Variants in RYR3 observed in about 807,000 individuals in gnomAD.
RYR3 encodes brain ryanodine receptor-calcium release channel.
Under a neutral mutation model 584.3 loss-of-function variants are expected in RYR3, and 207 were observed. The ratio of observed to expected loss-of-function variants is 0.35; its 90% CI spans 0.32 to 0.40. RYR3 has a LOEUF of 0.40. RYR3 is among the 10% of genes least tolerant of loss of function. The pLI, the probability that RYR3 is intolerant of heterozygous loss-of-function variation, is 1.00. For missense variants in RYR3, 5,616 were observed against 6,089.2 expected, an observed-to-expected ratio of 0.92 and a Z score of 2.59; for synonymous variants, 2,416 against 2,248.5, an observed-to-expected ratio of 1.07 and a Z score of -2.11.
intron 18 of RYR3, among the ~76,000 whole-genome samples, chr15:33,608,070 G>A (rs2059995392): frequency 6.6e-6 from 1 of 152,204 alleles, no homozygotes; most frequent in South Asian, 2.1e-4. Context: ...TGCCTCTTAA[G>A]TGGTACACAG....
chr15:33,714,721 A>C (rs8026816), intron 43 of RYR3, among the ~76,000 whole-genome samples: 26,211 of 152,190 alleles, frequency 0.17, 2,477 homozygotes, highest in Admixed American at 0.27. Flanking sequence ...GCTTTGCTGA[A>C]TCTGCTTTCC....
intron 67 of RYR3, among the ~76,000 whole-genome samples, chr15:33,790,968 G>A (rs1355250179): frequency 6.6e-6 from 1 of 152,142 alleles, no homozygotes. Flanking sequence ...AACTGAGACT[G>A]GGCATTATAT....
chr15:33,540,113 G>C (rs967889115), intron 6 of RYR3, among the ~76,000 whole-genome samples: 1 of 152,144 alleles, frequency 6.6e-6, no homozygotes, highest in Non-Finnish European at 1.5e-5. Flanking sequence ...GCTGCATCCA[G>C]CAAACTGTTA....
intron 5 of RYR3, among the ~76,000 whole-genome samples, chr15:33,537,297 A>G (rs1423390373): frequency 2.0e-5 from 3 of 152,138 alleles, no homozygotes; most frequent in Non-Finnish European, 4.4e-5. Context: ...CATCTAGGGA[A>G]TTTCTGTTGC....
intron 2 of RYR3, among the ~76,000 whole-genome samples, chr15:33,503,025 G>A (rs756466668): frequency 6.6e-6 from 1 of 152,144 alleles, no homozygotes; most frequent in Admixed American, 6.5e-5. Flanking sequence ...TGAATGTCAC[G>A]ATGTTAACTG....
chr15:33,387,327 A>G (rs72725470), intron 1 of RYR3, among the ~76,000 whole-genome samples: 16,296 of 152,200 alleles, frequency 0.11, 973 homozygotes, highest in Middle Eastern at 0.23. Context: ...CTCTGCTTTC[A>G]ATTCTTTTGG....
At chr15:33,472,451 G>A (rs1375629725) in intron 1 of RYR3, among the ~76,000 whole-genome samples, 1 of 152,194 alleles carries the variant, frequency 6.6e-6, no homozygotes, top group African/African-American at 2.4e-5. Flanking sequence ...GTGAGATGGG[G>A]CAATGGATGG....
At chr15:33,380,771 C>T (rs9972518) in intron 1 of RYR3, among the ~76,000 whole-genome samples, 3,615 of 152,270 alleles carry the variant, frequency 0.024, 121 homozygotes, top group African/African-American at 0.082. Flanking sequence ...AGCACACGTA[C>T]GTACACTTCA....
intron 1 of RYR3, among the ~76,000 whole-genome samples, chr15:33,401,841 C>G (rs1011035718): frequency 6.6e-6 from 1 of 152,214 alleles, no homozygotes; most frequent in Non-Finnish European, 1.5e-5. Flanking sequence ...TAAAGAATGT[C>G]TACCAAAATG....
At chr15:33,787,467 T>C (rs1312144399) in intron 66 of RYR3, among the ~76,000 whole-genome samples, 1 of 151,968 alleles carries the variant, frequency 6.6e-6, no homozygotes, top group Non-Finnish European at 1.5e-5. Context: ...AGATTGTCAG[T>C]GGTTCACAAC....
intron 1 of RYR3, among the ~76,000 whole-genome samples, chr15:33,442,939 G>A (rs1056270299): frequency 2.6e-5 from 4 of 152,178 alleles, no homozygotes; most frequent in African/African-American, 9.7e-5. Flanking sequence ...CACATTAGAA[G>A]GTAGGAGAAA....
intron 10 of RYR3, among the ~76,000 whole-genome samples, chr15:33,553,039 T>C (rs2056802126): frequency 6.6e-6 from 1 of 152,038 alleles, no homozygotes; most frequent in Non-Finnish European, 1.5e-5. Context: ...AGGTGGCAAA[T>C]GGTAGCCTGA....
chr15:33,519,028 A>G (rs1001555961), intron 3 of RYR3, among the ~76,000 whole-genome samples: 3 of 152,182 alleles, frequency 2.0e-5, no homozygotes, highest in Non-Finnish European at 1.5e-5. Context: ...AAGGGAAGCA[A>G]TAGTGCAAGT....
intron 1 of RYR3, among the ~76,000 whole-genome samples, chr15:33,365,697 T>TA (rs2141042717): frequency 6.6e-6 from 1 of 152,348 alleles, no homozygotes; most frequent in South Asian, 2.1e-4. Flanking sequence ...TAAATATTCT[T>TA]ACTATGCAAA....
At chr15:33,753,719 G>A (rs564925351) in intron 57 of RYR3, among the ~76,000 whole-genome samples, 9 of 152,176 alleles carry the variant, frequency 5.9e-5, no homozygotes, top group African/African-American at 1.7e-4. Flanking sequence ...CTTATTTGCC[G>A]TGTTGTCGAA....
chr15:33,546,833 T>C (rs181986058), intron 8 of RYR3, among the ~76,000 whole-genome samples: 250 of 152,350 alleles, frequency 1.6e-3, no homozygotes, highest in Non-Finnish European at 2.3e-3. Context: ...ACATTTTCTT[T>C]TCACCACTAT....
intron 13 of RYR3, among the ~76,000 whole-genome samples, 190 bp downstream of exon 13, chr15:33,580,334 C>A (rs2058526011): frequency 6.6e-6 from 1 of 152,204 alleles, no homozygotes; most frequent in African/African-American, 2.4e-5. Flanking sequence ...TTAGCAATGG[C>A]TGGCACGTTC....
intron 1 of RYR3, among the ~76,000 whole-genome samples, chr15:33,437,694 A>G (rs1405391237): frequency 6.6e-6 from 1 of 152,152 alleles, no homozygotes; most frequent in Non-Finnish European, 1.5e-5. Flanking sequence ...ACTGGTCTGT[A>G]TACTTACCTC....
chr15:33,343,120 C>T (rs1972030841), intron 1 of RYR3, among the ~76,000 whole-genome samples: 1 of 152,134 alleles, frequency 6.6e-6, no homozygotes, highest in Admixed American at 6.5e-5. Flanking sequence ...AAAGGAAAAG[C>T]AACCATTGAG....
Sources: gnomAD v4.1 joint callset for allele counts (sites outside exome capture counted in the v4.1 genomes callset) on GRCh38, gnomAD v4.1.1 for gene constraint, MANE v1.5 for transcripts, NCBI Gene and HGNC (gene_info 2026-07-23, HGNC 2026-07-21) for gene names.